SLC26A2: variants seen among roughly 807,000 people sequenced by gnomAD.
The protein encoded by SLC26A2 is sulfate transporter.
A neutral mutation model predicts 41.1 loss-of-function variants in SLC26A2; 36 were observed. That is an observed-to-expected ratio of 0.88 (90% confidence interval 0.67 to 1.16). The LOEUF (loss-of-function observed/expected upper bound fraction) is 1.16, where lower values mean the gene tolerates loss of function less well. Among genes scored for constraint, SLC26A2 ranks in the 50% most tolerant of loss-of-function variants. The pLI is 0.00. For missense variants in SLC26A2, 796 were observed against 869.6 expected (o/e 0.92, Z 1.07); for synonymous variants, 291 against 311.6 (o/e 0.93, Z 0.70).
intron 1 of SLC26A2, among the ~76,000 whole-genome samples, chr5:149,962,636 G>A (rs1048101109): frequency 6.6e-6 from 1 of 152,136 alleles, no homozygotes; most frequent in African/African-American, 2.4e-5. Flanking sequence ...ACTGTGCCCT[G>A]CCCACACTTT....
At chr5:149,975,122 T>A (rs1211693886) in intron 1 of SLC26A2, among the ~76,000 whole-genome samples, 6 of 152,220 alleles carry the variant, frequency 3.9e-5, no homozygotes. Flanking sequence ...GATGTTATGT[T>A]ACATTGTTGA....
At chr5:149,976,019 G>A (rs35073597) in intron 1 of SLC26A2, among the ~76,000 whole-genome samples, 69 of 151,994 alleles carry the variant, frequency 4.5e-4, no homozygotes, top group Non-Finnish European at 8.5e-4. Context: ...TTAGCCAGGC[G>A]TGGTGGCATG....
chr5:149,976,440 A>G lies in SLC26A2; in HGVS notation c.-25-1188A>G, dbSNP rs141357640. 1.5e-3 allele frequency among the ~76,000 whole-genome samples: 235 copies of G among 152,272 alleles called. 2 individuals are homozygous for G. The South Asian group carries it at 0.016, about 10-fold the overall frequency. On this transcript the variant is annotated intron_variant, in intron 1 of 2. Coordinates refer to ENST00000286298, the MANE Select transcript of SLC26A2 (RefSeq NM_000112.4). ...GGGGAGATTGGTTAGTGCTTTCTGG[A>G]AAAGGTAGCATTGTAACTGGGTTTT... is the stretch of plus-strand genomic sequence containing the variant.
intron 1 of SLC26A2, among the ~76,000 whole-genome samples, chr5:149,973,490 T>G (rs970642997): frequency 1.3e-5 from 2 of 151,938 alleles, no homozygotes; most frequent in African/African-American, 4.8e-5. Flanking sequence ...TCTTTCCCCA[T>G]CTCTTCTTCT....
Position 149,986,399 on chromosome 5 carries a change from C to T in SLC26A2, c.*4586C>T, listed in dbSNP as rs886060250. Reference sequence around the variant, plus strand: ...TACCAGCTGGTTTGTTATTATAGTCCGTGTATTAAAATACTATTGAAATAC... The same window carrying T: ...TACCAGCTGGTTTGTTATTATAGTCTGTGTATTAAAATACTATTGAAATAC... On this transcript the variant is annotated 3_prime_UTR_variant, in exon 3 of 3. Transcript: ENST00000286298. The T allele has an allele frequency of 9.3e-5, 14 of 151,190 alleles. No homozygotes were observed. The highest frequency in any genetic ancestry group is 7.9e-4 in the Admixed American group (12 of 15,210). The allele number at this position is 151,190 out of a possible 1,614,324, so 9.4% of individuals were successfully genotyped here.
chr5:149,976,324 C>A (rs1442456121), intron 1 of SLC26A2, among the ~76,000 whole-genome samples: 1 of 152,114 alleles, frequency 6.6e-6, no homozygotes, highest in East Asian at 1.9e-4. Context: ...TAGAGAGATT[C>A]CTACTTCACT....
chr5:149,980,084 A>G (rs1755064679), intron 2 of SLC26A2, among the ~76,000 whole-genome samples: 1 of 152,228 alleles, frequency 6.6e-6, no homozygotes, highest in Non-Finnish European at 1.5e-5. Flanking sequence ...TTAATAAGTA[A>G]CAGTGTGACC....
chr5:149,982,052 T>C lies in SLC26A2; in HGVS notation c.*239T>C, dbSNP rs969153746. ...CTTTCTTGCAGATATGAAGTATTCT[T>C]GGAATGCAATAAGTATGTATTGAAC... On this transcript the variant is annotated 3_prime_UTR_variant, in exon 3 of 3. Transcript: ENST00000286298. The C allele has an allele frequency of 1.9e-6, 1 of 529,758 alleles. No individual in the cohort carries two copies. The highest frequency in any genetic ancestry group is 1.9e-5 in the African/African-American group (1 of 52,570). 32.8% of individuals were successfully genotyped at this position (529,758 alleles called of 1,614,324 possible). A position where few individuals can be genotyped will look rare whatever the true frequency, so the allele number is the denominator to read the frequency against.
rs769511611 is a variant in SLC26A2, at chr5:149,981,475, C to T, written c.1882C>T (p.Leu628Phe). The change falls in exon 3 of 3, where the codon CTT becomes TTT. Residue 628 changes from leucine (L) to phenylalanine (F), a missense_variant. Leu to Phe is a conservative substitution (Grantham distance 22, BLOSUM62 0). Coordinates refer to ENST00000286298, the MANE Select transcript of SLC26A2 (RefSeq NM_000112.4). ...AAAGATCAAAGAAAAAGTAGTGACTCTTGGTGGAATCCAGGATGAAATGTC... is the reference window on the plus strand; with the variant it reads ...AAAGATCAAAGAAAAAGTAGTGACTTTTGGTGGAATCCAGGATGAAATGTC... ...KRKIKEKVVTLGGIQDEMSVQ... is the reference protein window; with the variant it reads ...KRKIKEKVVTFGGIQDEMSVQ... 2.0e-5 allele frequency: 32 copies of T among 1,614,020 alleles called. No homozygotes were observed. The highest frequency in any genetic ancestry group is 7.7e-5 in the South Asian group (7 of 91,082).
Position 149,977,857 on chromosome 5 carries a change from T to C in SLC26A2, c.205T>C (p.Phe69Leu). 6.2e-7 allele frequency: 1 copy of C among 1,613,826 alleles called. No individual in the cohort carries two copies. The highest frequency in any genetic ancestry group is 8.5e-7 in the Non-Finnish European group (1 of 1,179,924). The change falls in exon 2 of 3, where the codon TTT (phenylalanine) becomes CTT (leucine). Residue 69 changes from phenylalanine to leucine, a missense_variant. Transcript: ENST00000286298. ...GAAATCAGATACAAACTTCAAGGAG[T>C]TTGTTATTAAAAAGCTGCAGAAGAA... is the stretch of plus-strand genomic sequence containing the variant. ...QEKSDTNFKE[F>L]VIKKLQKNCQ...
intron 2 of SLC26A2, among the ~76,000 whole-genome samples, chr5:149,979,116 G>A (rs1319526817): frequency 6.6e-6 from 1 of 152,014 alleles, no homozygotes; most frequent in Non-Finnish European, 1.5e-5. Context: ...GGGAGGGAGG[G>A]AAAAAGTTGG....
rs111283699 is a variant in SLC26A2 at position 149,985,073 on chromosome 5, A to T, written c.*3260A>T. ...TCCAATCCCTGGTTAGCCTCTACACAATAATAGGGAGACAAGGATTAGGAG... is the reference window on the plus strand; with the variant it reads ...TCCAATCCCTGGTTAGCCTCTACACTATAATAGGGAGACAAGGATTAGGAG... On this transcript the variant is annotated 3_prime_UTR_variant, in exon 3 of 3. Transcript: ENST00000286298. The T allele has an allele frequency of 2.6e-5, 4 of 152,208 alleles. No homozygotes were observed. Among genetic ancestry groups the T allele is most frequent in the Non-Finnish European group, 4.4e-5 (3 of 68,056 alleles). The allele number at this position is 152,208 out of a possible 1,614,324, so 9.4% of individuals were successfully genotyped here.
chr5:149,979,991 GA>G (rs11450678), intron 2 of SLC26A2, among the ~76,000 whole-genome samples: 8 of 147,324 alleles, frequency 5.4e-5, no homozygotes, highest in East Asian at 2.0e-4. Context: ...TGGGAAGAAT[GA>G]AAAAAAAAAG....
Sources: gnomAD v4.1 joint callset for allele counts (sites outside exome capture counted in the v4.1 genomes callset) on GRCh38, gnomAD v4.1.1 for gene constraint, MANE v1.5 for transcripts, NCBI Gene and HGNC (gene_info 2026-07-23, HGNC 2026-07-21) for gene names.